Variants in NTM observed in about 807,000 individuals in gnomAD.
The protein encoded by NTM is neurotrimin.
Under a neutral mutation model 42.1 loss-of-function variants are expected in NTM, and 13 were observed. The observed-to-expected ratio is 0.31, with a 90% confidence interval of 0.20 to 0.49. The LOEUF is 0.49. Among genes scored for constraint, NTM ranks in the 20% least tolerant of loss-of-function variants. The probability of loss-of-function intolerance (pLI) is 0.99; values close to 1 mark genes in which losing one functional copy is unlikely to be tolerated. For synonymous variants in NTM, 187 were observed against 179.2 expected, an observed-to-expected ratio of 1.04 and a Z score of -0.35; for missense variants, 373 against 452.8, an observed-to-expected ratio of 0.82 and a Z score of 1.60.
chr11:131,782,782 T>C (rs1037713654), intron 1 of NTM, among the ~76,000 whole-genome samples: 18 of 152,176 alleles, frequency 1.2e-4, no homozygotes, highest in Non-Finnish European at 2.1e-4. Context: ...AATTCAACAT[T>C]CCTTTGTGAT....
intron 2 of NTM, among the ~76,000 whole-genome samples, chr11:131,969,843 G>T (rs899237498): frequency 6.6e-6 from 1 of 152,114 alleles, no homozygotes; most frequent in Non-Finnish European, 1.5e-5. Flanking sequence ...TTGAGACAGG[G>T]TCTTGCTCTG....
intron 1 of NTM, among the ~76,000 whole-genome samples, chr11:131,463,952 G>C (rs1951648252): frequency 6.6e-6 from 1 of 152,240 alleles, no homozygotes; most frequent in African/African-American, 2.4e-5. Context: ...TGAGAAACGG[G>C]ACTGGCGATA....
At chr11:131,398,014 G>A (rs183695562) in intron 1 of NTM, among the ~76,000 whole-genome samples, 1 of 152,312 alleles carries the variant, frequency 6.6e-6, no homozygotes, top group East Asian at 1.9e-4. Flanking sequence ...GTTGTATCAA[G>A]AATATTCTGG....
At chr11:131,660,207 A>G in intron 1 of NTM, 1 of 282,398 alleles carries the variant, frequency 3.5e-6, no homozygotes, top group Non-Finnish European at 7.3e-6. Context: ...AGTTTGCATC[A>G]TGTATTGAGG....
intron 2 of NTM, among the ~76,000 whole-genome samples, chr11:132,053,427 C>T (rs73030379): frequency 1.2e-3 from 184 of 152,312 alleles, no homozygotes; most frequent in Non-Finnish European, 2.1e-3. Flanking sequence ...CTTCTTACCT[C>T]ACCAAGGCTA....
intron 2 of NTM, among the ~76,000 whole-genome samples, chr11:132,140,449 G>A (rs990797348): frequency 2.6e-5 from 4 of 152,200 alleles, no homozygotes; most frequent in Non-Finnish European, 4.4e-5. Context: ...CTTATGTCAT[G>A]CAAAAATGGT....
chr11:132,272,109 G>A (rs2093507408), intron 4 of NTM, among the ~76,000 whole-genome samples: 1 of 151,988 alleles, frequency 6.6e-6, no homozygotes, highest in African/African-American at 2.4e-5. Context: ...GTTTTCCCCA[G>A]CATCATTTGT....
chr11:131,879,299 C>A (rs570200945), intron 1 of NTM, among the ~76,000 whole-genome samples: 13 of 152,290 alleles, frequency 8.5e-5, no homozygotes, highest in African/African-American at 2.9e-4. Context: ...GGGGCCTTCA[C>A]ATCAGGAAGC....
intron 2 of NTM, among the ~76,000 whole-genome samples, chr11:132,045,291 A>T (rs987626446): frequency 6.6e-6 from 1 of 152,204 alleles, no homozygotes; most frequent in South Asian, 2.1e-4. Flanking sequence ...GTAGAATAAA[A>T]GATGATGTTG....
At chr11:131,770,213 T>A (rs2085830181) in intron 1 of NTM, among the ~76,000 whole-genome samples, 1 of 152,200 alleles carries the variant, frequency 6.6e-6, no homozygotes, top group African/African-American at 2.4e-5. Flanking sequence ...GATTTGCCTG[T>A]CCCCTGACAG....
intron 3 of NTM, among the ~76,000 whole-genome samples, chr11:132,179,431 G>GGA (rs1566394741): frequency 6.6e-6 from 1 of 152,070 alleles, no homozygotes. Flanking sequence ...ACGTGTGTGT[G>GGA]GAGAGAGAGA....
Position 131,803,889 on chromosome 11 carries a change from T to C in NTM, c.83-107675T>C, listed in dbSNP as rs574796658. ...TTTTCTTTTTATACATTCTTTTCCTTGGTGTTCTCTTCACCTCCCACTGTC... is the reference window on the plus strand; with the variant it reads ...TTTTCTTTTTATACATTCTTTTCCTCGGTGTTCTCTTCACCTCCCACTGTC... On this transcript the variant is annotated intron_variant, in intron 1 of 8. Coordinates refer to ENST00000683400, the MANE Select transcript of NTM (RefSeq NM_001352005.2). Among the ~76,000 whole-genome samples the C allele has an allele frequency of 3.9e-5, 6 of 152,348 alleles. 1 individual carries two copies. The highest frequency in any genetic ancestry group is 3.9e-4 in the Admixed American group (6 of 15,302).
intron 1 of NTM, among the ~76,000 whole-genome samples, chr11:131,495,760 T>C (rs1955275860): frequency 1.3e-5 from 2 of 152,194 alleles, no homozygotes; most frequent in Admixed American, 1.3e-4. Flanking sequence ...TGGGCCCTCC[T>C]TGAGGCTCAG....
intron 4 of NTM, among the ~76,000 whole-genome samples, chr11:132,231,599 T>C (rs2087566239): frequency 6.6e-6 from 1 of 152,208 alleles, no homozygotes; most frequent in Admixed American, 6.5e-5. Context: ...TACATTCTTA[T>C]TTCTATTCTA....
Position 132,042,912 on chromosome 11 carries a change from C to A in NTM, c.168-103370C>A, listed in dbSNP as rs562754712. On this transcript the variant is annotated intron_variant, in intron 2 of 8. Coordinates refer to ENST00000683400, the MANE Select transcript of NTM (RefSeq NM_001352005.2). ...TCTTATATCCCTGGTTTGTAGGACT[C>A]TATCTGGTATATAGTTGGTGCACAA... is the stretch of plus-strand genomic sequence containing the variant. Among the ~76,000 whole-genome samples, 4 of 152,264 alleles carry A rather than the reference C, an allele frequency of 2.6e-5. No homozygotes were observed. The East Asian group carries it at 7.7e-4, about 29-fold the overall frequency.
chr11:131,991,839 T>C (rs2067079129), intron 2 of NTM, among the ~76,000 whole-genome samples: 1 of 152,128 alleles, frequency 6.6e-6, no homozygotes, highest in South Asian at 2.1e-4. Context: ...GCAGGACAAG[T>C]AGTTAAGCTT....
intron 1 of NTM, among the ~76,000 whole-genome samples, chr11:131,622,452 T>C (rs2062674847): frequency 6.6e-6 from 1 of 152,156 alleles, no homozygotes; most frequent in Admixed American, 6.5e-5. Context: ...TCAACAGCAT[T>C]TGGGGAAAGA....
chr11:132,204,479 C>T lies in NTM; in HGVS notation c.401-7543C>T, dbSNP rs535485434. Among the ~76,000 whole-genome samples the T allele has an allele frequency of 4.6e-4, 70 of 152,244 alleles. 1 individual carries two copies. Among genetic ancestry groups the T allele is most frequent in the Admixed American group, 3.1e-3 (47 of 15,298 alleles). On this transcript the variant is annotated intron_variant, in intron 3 of 8. Coordinates refer to ENST00000683400, the MANE Select transcript of NTM (RefSeq NM_001352005.2). ...GAGAGGCAGACAGTTGTGTAGCAAG[C>T]CAGGCAGGCTGGGGGTTCTCTTGTA...
intron 1 of NTM, among the ~76,000 whole-genome samples, chr11:131,751,404 C>T (rs1020124668): frequency 2.6e-5 from 4 of 152,082 alleles, no homozygotes; most frequent in African/African-American, 9.7e-5. Flanking sequence ...TCCTGGCTAA[C>T]ACGGTGAAAC....
Sources: allele counts gnomAD v4.1 joint callset (sites outside exome capture counted in the v4.1 genomes callset), GRCh38; gene constraint gnomAD v4.1.1; transcripts MANE v1.5; gene names NCBI Gene and HGNC (gene_info 2026-07-23, HGNC 2026-07-21).